Variants in RCOR3 observed in about 807,000 individuals in gnomAD.
RCOR3 encodes REST corepressor 3.
RCOR3 carries 13 observed loss-of-function variants against 64.1 expected under a neutral mutation model. The observed-to-expected ratio is 0.20, with a 90% CI of 0.13 to 0.32. The LOEUF is 0.32. Among genes scored for constraint, RCOR3 ranks in the 10% least tolerant of loss-of-function variants. RCOR3 has a pLI of 1.00. For missense variants in RCOR3, 489 were observed against 701.2 expected (o/e 0.70, Z 3.42); for synonymous variants, 215 against 239.0 (o/e 0.90, Z 0.93).
intron 2 of RCOR3, among the ~76,000 whole-genome samples, chr1:211,268,380 T>C (rs1571802479): frequency 7.2e-6 from 1 of 138,374 alleles, no homozygotes. Context: ...TTTTTTTTTT[T>C]TTTTTTTTTT....
intron 7 of RCOR3, among the ~76,000 whole-genome samples, chr1:211,286,418 C>A (rs1245125741): frequency 6.6e-6 from 1 of 151,742 alleles, no homozygotes; most frequent in East Asian, 1.9e-4. Context: ...AGTGATTCTC[C>A]TGCCTCAGCC....
rs1309791330 is a variant in RCOR3 at position 211,274,282 on chromosome 1, A to G, written c.354+20A>G. 3 of 1,546,502 alleles carry G rather than the reference A, an allele frequency of 1.9e-6. No individual in the cohort carries two copies. Among genetic ancestry groups the G allele is most frequent in the East Asian group, 2.3e-5 (1 of 44,274 alleles). On this transcript the variant is annotated intron_variant, in intron 4 of 11. Transcript: ENST00000419091. The stretch of plus-strand genomic sequence containing the variant: ...GAACAGGTATGTAGAGAAACACTTC[A>G]GTAGTAAGGCTTGTCCCAATATTTA...
At chr1:211,275,232 T>C (rs1273249635) in intron 4 of RCOR3, among the ~76,000 whole-genome samples, 1 of 152,024 alleles carries the variant, frequency 6.6e-6, no homozygotes, top group African/African-American at 2.4e-5. Flanking sequence ...AAATTATCTG[T>C]AACCTGGGTT....
intron 8 of RCOR3, among the ~76,000 whole-genome samples, chr1:211,293,531 T>C (rs1476643784): frequency 2.0e-5 from 3 of 152,188 alleles, no homozygotes; most frequent in African/African-American, 4.8e-5. Context: ...GTCCTTTTCT[T>C]TGGAACACTT....
intron 1 of RCOR3, 118 bp from the exon 2 acceptor site, chr1:211,259,990 C>A (rs1011978202): frequency 7.1e-7 from 1 of 1,402,498 alleles, no homozygotes; most frequent in Non-Finnish European, 9.2e-7. Flanking sequence ...GATATCTTCC[C>A]ATCCACCCGC....
intron 6 of RCOR3, 114 bp from the exon 7 acceptor site, chr1:211,279,124 T>A (rs1400159678): frequency 3.3e-6 from 2 of 600,162 alleles, no homozygotes; most frequent in African/African-American, 1.9e-5. Flanking sequence ...GAGGCAGAGG[T>A]TGCAGTGAGC....
intron 7 of RCOR3, among the ~76,000 whole-genome samples, chr1:211,285,138 A>G (rs1437608411): frequency 6.6e-6 from 1 of 152,144 alleles, no homozygotes; most frequent in Non-Finnish European, 1.5e-5. Context: ...ACCTGAAAAT[A>G]ATAGCTATTT....
chr1:211,262,753 A>C (rs1157899079), intron 2 of RCOR3, among the ~76,000 whole-genome samples: 1 of 151,956 alleles, frequency 6.6e-6, no homozygotes, highest in African/African-American at 2.4e-5. Flanking sequence ...AAACACTGGA[A>C]CAAATTTCAA....
At chr1:211,267,481 T>A (rs1485706582) in intron 2 of RCOR3, among the ~76,000 whole-genome samples, 1 of 152,246 alleles carries the variant, frequency 6.6e-6, no homozygotes, top group Non-Finnish European at 1.5e-5. Flanking sequence ...TGTATGCTGC[T>A]CCTCTATCTA....
chr1:211,259,618 G>A lies in RCOR3; in HGVS notation c.58G>A (p.Gly20Ser), dbSNP rs1003079825. 6.5e-7 allele frequency: 1 copy of A among 1,547,988 alleles called. No individual in the cohort carries two copies. Among genetic ancestry groups the A allele is most frequent in the Non-Finnish European group, 8.7e-7 (1 of 1,145,890 alleles). ...ELLGKNRSANGSAKSPAGGGG... is the reference protein window; with the variant it reads ...ELLGKNRSANSSAKSPAGGGG... Reference sequence around the variant, plus strand: ...ACTGGGGAAGAACCGATCGGCCAACGGCAGCGCCAAGAGCCCGGCAGGCGG... The same window carrying A: ...ACTGGGGAAGAACCGATCGGCCAACAGCAGCGCCAAGAGCCCGGCAGGCGG... The change falls in exon 1 of 12, where the codon GGC becomes AGC. Residue 20 changes from glycine to serine, a missense_variant. Gly to Ser is a moderately conservative substitution (Grantham distance 56, BLOSUM62 0). Around this residue, in one of 2 missense-constraint regions of RCOR3, gnomAD observed 87 missense variants for 84.3 expected, o/e 1.03. Transcript: ENST00000419091.
intron 2 of RCOR3, among the ~76,000 whole-genome samples, chr1:211,266,454 A>G (rs899628441): frequency 1.1e-4 from 17 of 152,308 alleles, no homozygotes; most frequent in Non-Finnish European, 2.2e-4. Context: ...TTTCAAAGGG[A>G]TTAACCTTTA....
At chr1:211,260,333 G>T (rs1694028576) in intron 2 of RCOR3, among the ~76,000 whole-genome samples, 169 bp downstream of exon 2, 1 of 152,220 alleles carries the variant, frequency 6.6e-6, no homozygotes, top group African/African-American at 2.4e-5. Context: ...CACTGGGCGT[G>T]TGGGCAGATG....
chr1:211,275,877 T>G (rs1696887781), intron 4 of RCOR3, among the ~76,000 whole-genome samples: 1 of 152,236 alleles, frequency 6.6e-6, no homozygotes. Flanking sequence ...TCTGATCATT[T>G]CATTCAAGTA....
At chr1:211,295,042 T>TA (rs1699716086) in intron 8 of RCOR3, among the ~76,000 whole-genome samples, 1 of 122,100 alleles carries the variant, frequency 8.2e-6, no homozygotes, top group African/African-American at 3.1e-5. Flanking sequence ...CATGACCAGC[T>TA]AATTTTTTTT....
At chr1:211,304,219 T>C (rs554562497) in intron 10 of RCOR3, 79 bp downstream of exon 10, 2 of 1,031,632 alleles carry the variant, frequency 1.9e-6, no homozygotes, top group East Asian at 5.6e-5. Context: ...GTTCTTCCCT[T>C]CCTTTAGAAA....
At chr1:211,281,194 T>A (rs1697760589) in intron 7 of RCOR3, among the ~76,000 whole-genome samples, 1 of 152,178 alleles carries the variant, frequency 6.6e-6, no homozygotes, top group Non-Finnish European at 1.5e-5. Flanking sequence ...AATTACTGAC[T>A]GCTCCCTTCC....
At chr1:211,306,680 T>C (rs1419442230) in intron 10 of RCOR3, among the ~76,000 whole-genome samples, 1 of 152,186 alleles carries the variant, frequency 6.6e-6, no homozygotes, top group East Asian at 1.9e-4. Flanking sequence ...TCGTAGGGCT[T>C]AAATATGTAT....
At chr1:211,300,172 G>T (rs966748347) in intron 9 of RCOR3, among the ~76,000 whole-genome samples, 1 of 150,382 alleles carries the variant, frequency 6.6e-6, no homozygotes, top group South Asian at 2.1e-4. Context: ...CTGGGCTCAG[G>T]TGACTCTCCC....
intron 2 of RCOR3, among the ~76,000 whole-genome samples, chr1:211,268,799 C>T (rs780396244): frequency 9.2e-5 from 14 of 152,078 alleles, no homozygotes; most frequent in South Asian, 2.1e-4. Context: ...AAAAGGCTTT[C>T]GAATACTTTG....
Sources: allele counts gnomAD v4.1 joint callset (sites outside exome capture counted in the v4.1 genomes callset), GRCh38; gene constraint gnomAD v4.1.1; regional missense constraint gnomAD v4.1.1; transcripts MANE v1.5; gene names NCBI Gene and HGNC (gene_info 2026-07-23, HGNC 2026-07-21).